BAIAP2: variants seen among roughly 807,000 people sequenced by gnomAD.
BAIAP2 encodes BAR/IMD domain-containing adapter protein 2.
A neutral mutation model predicts 63.0 loss-of-function variants in BAIAP2; 18 were observed. The ratio of observed to expected loss-of-function variants is 0.29; its 90% confidence interval spans 0.20 to 0.42. The LOEUF is 0.42. Ranked by LOEUF, BAIAP2 falls within the 10% of genes least tolerant of loss-of-function variation. The pLI is 1.00. For synonymous variants in BAIAP2, 386 were observed against 307.6 expected (o/e 1.25, Z -2.67); for missense variants, 610 against 734.3 (o/e 0.83, Z 1.96).
chr17:81,080,886 G>T (rs1226476730), intron 3 of BAIAP2, among the ~76,000 whole-genome samples: 1 of 152,204 alleles, frequency 6.6e-6, no homozygotes, highest in Non-Finnish European at 1.5e-5. Context: ...CAAGAGCCGT[G>T]AAGAGTTCAG....
intron 3 of BAIAP2, among the ~76,000 whole-genome samples, chr17:81,065,957 G>A (rs770184571): frequency 2.0e-5 from 3 of 152,230 alleles, no homozygotes; most frequent in Non-Finnish European, 4.4e-5. Context: ...TGCAGTGAGC[G>A]GGGCCGCAGC....
intron 3 of BAIAP2, among the ~76,000 whole-genome samples, chr17:81,074,415 C>T (rs1020060938): frequency 3.4e-5 from 5 of 145,634 alleles, no homozygotes; most frequent in African/African-American, 1.0e-4. Context: ...TGCATGGATG[C>T]GTGTGAGTAC....
Position 81,116,476 on chromosome 17 carries a change from T to A in BAIAP2, c.*637T>A. On this transcript the variant is annotated 3_prime_UTR_variant, in exon 14 of 14. Coordinates refer to ENST00000428708, the MANE Select transcript of BAIAP2 (RefSeq NM_001144888.2). Reference sequence around the variant, plus strand: ...TGCCTCGGGCAGGCCCCAGCCCTCCTCCTTACCCAACCTCCCATCCAGAAC... The same window carrying A: ...TGCCTCGGGCAGGCCCCAGCCCTCCACCTTACCCAACCTCCCATCCAGAAC... 1.4e-6 allele frequency: 1 copy of A among 740,304 alleles called. No individual in the cohort carries two copies. The highest frequency in any genetic ancestry group is 2.1e-6 in the Non-Finnish European group (1 of 481,554). The allele number at this position is 740,304 out of a possible 1,614,324, so 45.9% of individuals were successfully genotyped here.
chr17:81,094,766 C>T (rs11869239), intron 6 of BAIAP2, among the ~76,000 whole-genome samples: 6,561 of 152,300 alleles, frequency 0.043, 492 homozygotes, highest in African/African-American at 0.15. Flanking sequence ...CCATGTGCTA[C>T]TTGGGGCACC....
intron 1 of BAIAP2, among the ~76,000 whole-genome samples, chr17:81,049,003 C>G (rs1178124538): frequency 6.6e-6 from 1 of 152,194 alleles, no homozygotes. Context: ...CAGGCCGGCC[C>G]AGGACCCCCC....
rs374538297 is a variant in BAIAP2, at chr17:81,106,120, C to T, written c.1311C>T (p.Ser437=). The change falls in exon 11 of 14, where the codon AGC becomes AGT. Residue 437 remains serine (S), a synonymous_variant. Coordinates refer to ENST00000428708, the MANE Select transcript of BAIAP2 (RefSeq NM_001144888.2). Reference sequence around the variant, plus strand: ...TCTCCTACACCCGGGTCTTGGACAGCGATGGCAGTGACAGGCTGCACATGA... The same window carrying T: ...TCTCCTACACCCGGGTCTTGGACAGTGATGGCAGTGACAGGCTGCACATGA... ...FPFSYTRVLD[S]DGSDRLHMSL... 31 of 1,584,536 alleles carry T rather than the reference C, an allele frequency of 2.0e-5. No individual in the cohort carries two copies. The East Asian group carries it at 2.5e-4, about 13-fold the overall frequency.
intron 3 of BAIAP2, among the ~76,000 whole-genome samples, chr17:81,066,655 A>G (rs2051519609): frequency 6.6e-6 from 1 of 152,058 alleles, no homozygotes; most frequent in Admixed American, 6.5e-5. Flanking sequence ...GGTCATGTGA[A>G]CCCCAAGGGG....
chr17:81,069,329 C>T (rs926526120), intron 3 of BAIAP2, among the ~76,000 whole-genome samples: 6 of 152,326 alleles, frequency 3.9e-5, no homozygotes, highest in South Asian at 2.1e-4. Flanking sequence ...AGCACGCACG[C>T]GGGCACAGAT....
chr17:81,077,870 T>C (rs1025946682), intron 3 of BAIAP2, among the ~76,000 whole-genome samples: 1 of 149,124 alleles, frequency 6.7e-6, no homozygotes, highest in Non-Finnish European at 1.5e-5. Context: ...AGCCAGGCAC[T>C]GTGGGTGCCA....
intron 9 of BAIAP2, 128 bp downstream of exon 9, chr17:81,104,236 CT>C: frequency 9.4e-5 from 100 of 1,061,692 alleles, no homozygotes; most frequent in Non-Finnish European, 1.2e-4. Flanking sequence ...CCGTGTGTAC[CT>C]ACATGCATGT....
chr17:81,060,723 GCCACTT>G (rs1209439200), intron 3 of BAIAP2, among the ~76,000 whole-genome samples: 1 of 152,180 alleles, frequency 6.6e-6, no homozygotes, highest in Non-Finnish European at 1.5e-5. Flanking sequence ...AACAAAGTCA[GCCACTT>G]CCCACCCTCC....
chr17:81,062,436 G>A (rs1032784245), intron 3 of BAIAP2, among the ~76,000 whole-genome samples: 4 of 151,912 alleles, frequency 2.6e-5, no homozygotes, highest in Admixed American at 6.6e-5. Context: ...GTCTTGGTTC[G>A]CTTCATTTTC....
At chr17:81,056,103 A>G (rs2049507733) in intron 2 of BAIAP2, among the ~76,000 whole-genome samples, 1 of 152,120 alleles carries the variant, frequency 6.6e-6, no homozygotes, top group Admixed American at 6.5e-5. Context: ...CTGGCCTGAA[A>G]TGTTGACGCT....
chr17:81,078,402 AGCCGGGCGCTGTGGGTGC>A (rs2054050826), intron 3 of BAIAP2, among the ~76,000 whole-genome samples: 1 of 133,598 alleles, frequency 7.5e-6, no homozygotes, highest in Non-Finnish European at 1.6e-5. Flanking sequence ...ATTGGGTGGG[AGCCGGGCGCTGTGGGTGC>A]AGGTGCCATC....
Position 81,103,892 on chromosome 17 carries a change from C to T in BAIAP2, c.865-15C>T. 6.2e-7 allele frequency: 1 copy of T among 1,612,570 alleles called. No homozygotes were observed. Among genetic ancestry groups the T allele is most frequent in the Non-Finnish European group, 8.5e-7 (1 of 1,179,852 alleles). On this transcript the variant is annotated splice_polypyrimidine_tract_variant and intron_variant, in intron 8 of 13. Coordinates refer to ENST00000428708, the MANE Select transcript of BAIAP2 (RefSeq NM_001144888.2). ...TGGGCTCCAGCAACAGCCTGCTCTG[C>T]CTGCTTCCCTGCAGCGGATGTCTGC...
chr17:81,049,711 C>T (rs919860495), intron 1 of BAIAP2, among the ~76,000 whole-genome samples: 9 of 152,210 alleles, frequency 5.9e-5, no homozygotes, highest in African/African-American at 2.2e-4. Context: ...GTTTTCATTC[C>T]GGAAGAGCTG....
intron 3 of BAIAP2, among the ~76,000 whole-genome samples, chr17:81,062,014 C>T (rs772916164): frequency 2.0e-5 from 3 of 152,168 alleles, no homozygotes; most frequent in South Asian, 2.1e-4. Context: ...GCAATCTCGG[C>T]TCACTGCCAC....
intron 6 of BAIAP2, among the ~76,000 whole-genome samples, chr17:81,099,174 T>TCCCCGTGGACGCTGGTCTTGCTC (rs2058144349): frequency 2.8e-5 from 1 of 35,794 alleles, no homozygotes; most frequent in Non-Finnish European, 5.7e-5. Flanking sequence ...TGGTCTTGCT[T>TCCCCGTGGACGCTGGTCTTGCTC]TCTGGGCTCC....
intron 1 of BAIAP2, among the ~76,000 whole-genome samples, chr17:81,043,749 A>AGT (rs1568062379): frequency 6.6e-6 from 1 of 152,084 alleles, no homozygotes; most frequent in Non-Finnish European, 1.5e-5. Flanking sequence ...TTCAGGGAGA[A>AGT]GTGTGTCCCC....
Sources: allele counts gnomAD v4.1 joint callset (sites outside exome capture counted in the v4.1 genomes callset), GRCh38; gene constraint gnomAD v4.1.1; transcripts MANE v1.5; gene names NCBI Gene and HGNC (gene_info 2026-07-23, HGNC 2026-07-21).